Variants in MSRA observed in about 807,000 individuals in gnomAD.
The protein encoded by MSRA is mitochondrial peptide methionine sulfoxide reductase.
MSRA carries 54 observed loss-of-function variants against 31.3 expected under a neutral mutation model. That is an observed-to-expected ratio of 1.73 (90% CI 1.39 to 2.17). MSRA has a LOEUF of 2.17. Among genes scored for constraint, MSRA ranks in the 30% most tolerant of loss-of-function variants. The pLI, the probability that MSRA is intolerant of heterozygous loss-of-function variation, is 0.00. For synonymous variants in MSRA, 169 were observed against 116.5 expected, an observed-to-expected ratio of 1.45 and a Z score of -2.90; for missense variants, 507 against 300.9, an observed-to-expected ratio of 1.69 and a Z score of -5.07.
chr8:10,398,137 C>T (rs1807217655), intron 5 of MSRA, among the ~76,000 whole-genome samples: 1 of 152,210 alleles, frequency 6.6e-6, no homozygotes, highest in Non-Finnish European at 1.5e-5. Flanking sequence ...TGGTAACATT[C>T]ATCAACTCCC....
chr8:10,078,292 C>T (rs1798097548), intron 1 of MSRA, among the ~76,000 whole-genome samples: 1 of 152,216 alleles, frequency 6.6e-6, no homozygotes, highest in Non-Finnish European at 1.5e-5. Context: ...GTGTAATACC[C>T]ATGGTAGAGA....
intron 1 of MSRA, among the ~76,000 whole-genome samples, chr8:10,196,675 G>C (rs181473917): frequency 6.6e-6 from 1 of 151,872 alleles, no homozygotes; most frequent in Admixed American, 6.6e-5. Context: ...TCACCCTCCC[G>C]AGTAGCTGGA....
intron 3 of MSRA, among the ~76,000 whole-genome samples, chr8:10,287,416 G>C (rs73534561): frequency 0.016 from 2,370 of 152,256 alleles, 59 homozygotes; most frequent in African/African-American, 0.053. Context: ...AGCATTTCAT[G>C]AGCTACAAAA....
chr8:10,362,683 G>T (rs1172444079), intron 5 of MSRA, among the ~76,000 whole-genome samples: 1 of 152,032 alleles, frequency 6.6e-6, no homozygotes, highest in Non-Finnish European at 1.5e-5. Flanking sequence ...GAGAAAGGAG[G>T]TCTCAGATGA....
chr8:10,291,405 G>A (rs1009260750), intron 3 of MSRA, among the ~76,000 whole-genome samples: 3 of 94,700 alleles, frequency 3.2e-5, no homozygotes, highest in Admixed American at 1.2e-4. Flanking sequence ...TTTAAGTGAC[G>A]AATGAGACAA....
At chr8:10,212,716 C>G (rs1809614017) in intron 2 of MSRA, among the ~76,000 whole-genome samples, 1 of 152,114 alleles carries the variant, frequency 6.6e-6, no homozygotes. Context: ...TTCTCCATTA[C>G]TTGAGATATT....
At chr8:10,153,866 G>C (rs973275249) in intron 1 of MSRA, among the ~76,000 whole-genome samples, 2 of 152,130 alleles carry the variant, frequency 1.3e-5, no homozygotes, top group East Asian at 3.8e-4. Context: ...TTCGGATCCA[G>C]GCTTTAGGAT....
intron 5 of MSRA, among the ~76,000 whole-genome samples, chr8:10,377,869 G>A (rs1317911446): frequency 6.6e-6 from 1 of 152,168 alleles, no homozygotes; most frequent in Non-Finnish European, 1.5e-5. Context: ...CACAGATCTC[G>A]CCTCACCAGG....
chr8:10,323,515 G>T lies in MSRA; in HGVS notation c.543+3526G>T, dbSNP rs192715501. On this transcript the variant is annotated intron_variant, in intron 5 of 5. Coordinates refer to ENST00000317173, the MANE Select transcript of MSRA (RefSeq NM_012331.5). ...AAGAGGCTTATCACCGAATTTTCCA[G>T]TTTCTATCCCATTGTAGTTTCTACC... Among the ~76,000 whole-genome samples the T allele has an allele frequency of 6.1e-3, 926 of 152,226 alleles. 5 individuals are homozygous for T. The highest frequency in any genetic ancestry group is 8.2e-3 in the Non-Finnish European group (557 of 68,016).
chr8:10,191,516 G>A (rs1022425665), intron 1 of MSRA, among the ~76,000 whole-genome samples: 1 of 152,186 alleles, frequency 6.6e-6, no homozygotes, highest in African/African-American at 2.4e-5. Context: ...AAAATTGCCA[G>A]AATTATTACA....
intron 1 of MSRA, among the ~76,000 whole-genome samples, chr8:10,149,255 G>T (rs1265754981): frequency 6.6e-6 from 1 of 152,048 alleles, no homozygotes; most frequent in African/African-American, 2.4e-5. Flanking sequence ...CCAAGTATCT[G>T]GGATTACAGG....
At chr8:10,142,568 G>A (rs975792731) in intron 1 of MSRA, among the ~76,000 whole-genome samples, 11 of 152,230 alleles carry the variant, frequency 7.2e-5, no homozygotes, top group African/African-American at 2.4e-4. Flanking sequence ...TCTCCTGGAA[G>A]GAGGAATATT....
Position 10,428,739 on chromosome 8 carries a change from A to C in MSRA, c.*427A>C. 1 of 195,146 alleles carries C rather than the reference A, an allele frequency of 5.1e-6. No individual in the cohort carries two copies. Among genetic ancestry groups the C allele is most frequent in the Non-Finnish European group, 1.0e-5 (1 of 97,890 alleles). The allele number at this position is 195,146 out of a possible 1,614,324, so 12.1% of individuals were successfully genotyped here. On this transcript the variant is annotated 3_prime_UTR_variant, in exon 6 of 6. Coordinates refer to ENST00000317173, the MANE Select transcript of MSRA (RefSeq NM_012331.5). ...CTCATTCGCTGAAATCCTTCGCTTT[A>C]CCAAATCTAGACATACATAAGGGGC...
At chr8:10,361,609 C>T (rs1009773987) in intron 5 of MSRA, among the ~76,000 whole-genome samples, 3 of 152,158 alleles carry the variant, frequency 2.0e-5, no homozygotes, top group African/African-American at 7.2e-5. Context: ...ACTGGGAGAG[C>T]ATACTTGAGA....
At chr8:10,353,401 C>G (rs905976464) in intron 5 of MSRA, among the ~76,000 whole-genome samples, 2 of 152,140 alleles carry the variant, frequency 1.3e-5, no homozygotes, top group Non-Finnish European at 2.9e-5. Flanking sequence ...GTGGCGTGTA[C>G]GGAGGAGGGA....
chr8:10,337,882 C>A, intron 5 of MSRA: 1 of 693,172 alleles, frequency 1.4e-6, no homozygotes, highest in South Asian at 1.5e-5. Context: ...CACAAATGCA[C>A]ACATTCTTTG....
At chr8:10,422,835 G>A (rs1808893942) in intron 5 of MSRA, among the ~76,000 whole-genome samples, 1 of 152,172 alleles carries the variant, frequency 6.6e-6, no homozygotes, top group African/African-American at 2.4e-5. Flanking sequence ...CTCTTTCCAG[G>A]CTTTTGAACC....
rs1016869966 is a variant in MSRA, at chr8:10,155,063, T to G, written c.143-52770T>G. On this transcript the variant is annotated intron_variant, in intron 1 of 5. Coordinates refer to ENST00000317173, the MANE Select transcript of MSRA (RefSeq NM_012331.5). ...TAAGAGAACAAGCTTATTTTATGAT[T>G]AACAGAATCATTAAAAATTTTTTAT... 2.0e-5 allele frequency among the ~76,000 whole-genome samples: 3 copies of G among 149,984 alleles called. No homozygotes were observed. In the East Asian group the frequency reaches 6.0e-4, roughly 30 times the overall value.
chr8:10,344,952 T>A (rs1347873713), intron 5 of MSRA, among the ~76,000 whole-genome samples: 1 of 152,174 alleles, frequency 6.6e-6, no homozygotes, highest in Non-Finnish European at 1.5e-5. Context: ...GTTCTGTCGA[T>A]TTTGCCTGGA....
Sources: gnomAD v4.1 joint callset for allele counts (sites outside exome capture counted in the v4.1 genomes callset) on GRCh38, gnomAD v4.1.1 for gene constraint, MANE v1.5 for transcripts, NCBI Gene and HGNC (gene_info 2026-07-23, HGNC 2026-07-21) for gene names.